PTPRN2: variants seen among roughly 807,000 people sequenced by gnomAD.
The protein encoded by PTPRN2 is protein tyrosine phosphatase receptor type N2, also known as receptor-type tyrosine-protein phosphatase N2.
Under a neutral mutation model 118.8 loss-of-function variants are expected in PTPRN2, and 74 were observed. The observed-to-expected ratio is 0.62, with a 90% CI of 0.52 to 0.76. PTPRN2 has a LOEUF of 0.76. Among genes scored for constraint, PTPRN2 ranks in the 30% least tolerant of loss-of-function variants. The pLI is 0.00. For synonymous variants in PTPRN2, 641 were observed against 608.0 expected, an observed-to-expected ratio of 1.05 and a Z score of -0.80; for missense variants, 1,481 against 1,394.4, an observed-to-expected ratio of 1.06 and a Z score of -0.99.
chr7:158,149,853 A>C (rs898140186), intron 6 of PTPRN2, among the ~76,000 whole-genome samples: 1 of 152,158 alleles, frequency 6.6e-6, no homozygotes, highest in Non-Finnish European at 1.5e-5. Flanking sequence ...AAAAACAAAA[A>C]AATTACTGTG....
chr7:157,557,783 G>C (rs1798979196), intron 21 of PTPRN2, among the ~76,000 whole-genome samples: 1 of 151,916 alleles, frequency 6.6e-6, no homozygotes, highest in African/African-American at 2.4e-5. Context: ...TAACAAACTA[G>C]CTATTTCTTA....
chr7:158,396,053 T>C (rs1812468034), intron 2 of PTPRN2, among the ~76,000 whole-genome samples: 1 of 152,108 alleles, frequency 6.6e-6, no homozygotes, highest in African/African-American at 2.4e-5. Flanking sequence ...AACAGCCACA[T>C]CGCAGGCTGG....
At chr7:158,407,172 CGTCCTGCGTCCTGG>C (rs1235966101) in intron 2 of PTPRN2, among the ~76,000 whole-genome samples, 4 of 45,232 alleles carry the variant, frequency 8.8e-5, no homozygotes, top group African/African-American at 8.5e-5. Flanking sequence ...CTGGGTCCTG[CGTCCTGCGTCCTGG>C]GTCCTGGGTC....
chr7:158,457,875 C>T (rs942850100), intron 2 of PTPRN2, among the ~76,000 whole-genome samples: 4 of 152,254 alleles, frequency 2.6e-5, no homozygotes, highest in Non-Finnish European at 5.9e-5. Flanking sequence ...ACCGTCAAAA[C>T]TCCTTCCAAG....
At chr7:158,145,541 G>T (rs1585606294) in intron 6 of PTPRN2, among the ~76,000 whole-genome samples, 2 of 152,326 alleles carry the variant, frequency 1.3e-5, no homozygotes, top group African/African-American at 4.8e-5. Context: ...GACCAGGAAG[G>T]GAGGAAGAAA....
Position 158,276,849 on chromosome 7 carries a change from C to T in PTPRN2, c.277+39970G>A, listed in dbSNP as rs576614839. On this transcript the variant is annotated intron_variant, in intron 3 of 22. Coordinates refer to ENST00000389418, the MANE Select transcript of PTPRN2 (RefSeq NM_002847.5). ...GCGGGCGGCCTCCTCGTAGTGGAGG[C>T]AGGGGCGGAGGGTGCGAGGCATGCC... Among the ~76,000 whole-genome samples the T allele has an allele frequency of 1.3e-3, 200 of 152,314 alleles. 1 individual carries two copies. Among genetic ancestry groups the T allele is most frequent in the African/African-American group, 4.7e-3 (197 of 41,574 alleles).
chr7:158,394,951 G>A (rs943890402), intron 2 of PTPRN2, among the ~76,000 whole-genome samples: 2 of 152,190 alleles, frequency 1.3e-5, no homozygotes, highest in African/African-American at 2.4e-5. Context: ...AGAGAAAGCC[G>A]GGGGCACCCC....
Position 157,987,237 on chromosome 7 carries a change from C to A in PTPRN2, c.1724-88500G>T, listed in dbSNP as rs1803870871. Among the ~76,000 whole-genome samples the A allele has an allele frequency of 6.6e-6, 1 of 152,140 alleles. No individual in the cohort carries two copies. The highest frequency in any genetic ancestry group is 2.4e-5 in the African/African-American group (1 of 41,492). ...AGATCTGCTTCTGAAATCTCTTCCT[C>A]CCTTAAGGTAAGGTGCTGTGTGGAG... On this transcript the variant is annotated intron_variant, in intron 11 of 22. Coordinates refer to ENST00000389418, the MANE Select transcript of PTPRN2 (RefSeq NM_002847.5). The surrounding 1 kb of genome is among the most constrained non-coding windows in gnomAD (Gnocchi z 4.3).
chr7:157,952,365 G>GA (rs1800874166), intron 11 of PTPRN2, among the ~76,000 whole-genome samples: 1 of 149,576 alleles, frequency 6.7e-6, no homozygotes, highest in African/African-American at 2.4e-5. Context: ...AGACAGGCGA[G>GA]GGTGGGACAG....
intron 3 of PTPRN2, among the ~76,000 whole-genome samples, chr7:158,293,143 G>A (rs952284232): frequency 2.0e-5 from 3 of 152,162 alleles, no homozygotes; most frequent in Non-Finnish European, 4.4e-5. Flanking sequence ...AATTTGCTCT[G>A]AGTGCATCAG....
chr7:158,032,807 G>A (rs1324845567), intron 11 of PTPRN2, among the ~76,000 whole-genome samples: 1 of 152,158 alleles, frequency 6.6e-6, no homozygotes, highest in Admixed American at 6.5e-5. Flanking sequence ...ACGGCCCCAC[G>A]TCCAGCACCG....
chr7:158,157,298 G>A (rs1167746422), intron 6 of PTPRN2, among the ~76,000 whole-genome samples: 1 of 152,174 alleles, frequency 6.6e-6, no homozygotes, highest in Non-Finnish European at 1.5e-5. Context: ...CCAATTCCTA[G>A]TCAGACAGAG....
At chr7:158,204,182 C>T (rs962109452) in intron 4 of PTPRN2, among the ~76,000 whole-genome samples, 6 of 141,256 alleles carry the variant, frequency 4.2e-5, no homozygotes, top group Admixed American at 2.1e-4. Context: ...AAGCAGCCGC[C>T]GCCCTCAGCG....
Position 157,780,253 on chromosome 7 carries a change from C to T in PTPRN2, c.1789-97316G>A, listed in dbSNP as rs1803593585. Among the ~76,000 whole-genome samples, 1 of 152,220 alleles carries T rather than the reference C, an allele frequency of 6.6e-6. No homozygotes were observed. The highest frequency in any genetic ancestry group is 2.4e-5 in the African/African-American group (1 of 41,448). ...CTCAGAGCAAGGCATTTGCTCGCTC[C>T]CCTTGCTCCTTACACACGGCCTTCC... is the stretch of plus-strand genomic sequence containing the variant. On this transcript the variant is annotated intron_variant, in intron 12 of 22. Transcript: ENST00000389418. This position sits in a 1 kb window ranked among gnomAD's most constrained non-coding sequence, Gnocchi z 4.5.
chr7:157,980,915 G>A (rs559310448), intron 11 of PTPRN2, among the ~76,000 whole-genome samples: 2 of 152,154 alleles, frequency 1.3e-5, no homozygotes, highest in East Asian at 3.9e-4. Context: ...CTCCCACACG[G>A]GCACTGGGGA....
At chr7:157,952,085 G>A (rs1253526526) in intron 11 of PTPRN2, among the ~76,000 whole-genome samples, 1 of 152,180 alleles carries the variant, frequency 6.6e-6, no homozygotes, top group African/African-American at 2.4e-5. Flanking sequence ...GTCTGTTTCT[G>A]CACACCCTGC....
chr7:158,498,809 G>C (rs944396099), intron 1 of PTPRN2, among the ~76,000 whole-genome samples: 1 of 152,168 alleles, frequency 6.6e-6, no homozygotes, highest in Admixed American at 6.5e-5. Flanking sequence ...AACTTCAACC[G>C]GTAACTCTCA....
intron 12 of PTPRN2, among the ~76,000 whole-genome samples, chr7:157,698,975 T>C (rs543984925): frequency 6.6e-6 from 1 of 152,360 alleles, no homozygotes; most frequent in South Asian, 2.1e-4. Context: ...TGCCATTATG[T>C]TCAGATGAAA....
chr7:157,589,522 G>A (rs946394010), intron 17 of PTPRN2, among the ~76,000 whole-genome samples: 3 of 152,172 alleles, frequency 2.0e-5, no homozygotes, highest in African/African-American at 7.2e-5. Flanking sequence ...GTGGACCATG[G>A]AGACCTGCCT....
Sources: allele counts gnomAD v4.1 joint callset (sites outside exome capture counted in the v4.1 genomes callset), GRCh38; gene constraint gnomAD v4.1.1; non-coding constraint Gnocchi (gnomAD v3.1); transcripts MANE v1.5; gene names NCBI Gene and HGNC (gene_info 2026-07-23, HGNC 2026-07-21).